Variants in DNAJC18 observed in about 807,000 individuals in gnomAD.
DNAJC18 encodes the protein dnaJ homolog subfamily C member 18.
Under a neutral mutation model 48.6 loss-of-function variants are expected in DNAJC18, and 40 were observed. The observed-to-expected ratio is 0.82, with a 90% CI of 0.64 to 1.07. DNAJC18 has a LOEUF of 1.07. Among genes scored for constraint, DNAJC18 ranks in the 50% least tolerant of loss-of-function variants. The pLI is 0.00. For synonymous variants in DNAJC18, 135 were observed against 152.2 expected (o/e 0.89, Z 0.83); for missense variants, 340 against 427.7 (o/e 0.79, Z 1.81).
chr5:139,435,523 AC>A (rs1212346299), intron 2 of DNAJC18, among the ~76,000 whole-genome samples: 1 of 151,930 alleles, frequency 6.6e-6, no homozygotes, highest in Non-Finnish European at 1.5e-5. Flanking sequence ...AATATATAAT[AC>A]TTTTTACATT....
At chr5:139,419,102 A>G (rs548741097) in intron 7 of DNAJC18, 2 of 448,140 alleles carry the variant, frequency 4.5e-6, no homozygotes, top group South Asian at 3.2e-5. Context: ...ATACTCAGTA[A>G]TAAGGCTTTA....
chr5:139,419,919 G>T, intron 7 of DNAJC18, 134 bp downstream of exon 7: 1 of 848,422 alleles, frequency 1.2e-6, no homozygotes, highest in Non-Finnish European at 1.8e-6. Context: ...TATCCTGAAT[G>T]GCCTTTGTCC....
intron 2 of DNAJC18, among the ~76,000 whole-genome samples, chr5:139,432,092 G>T (rs990271891): frequency 6.6e-6 from 1 of 151,418 alleles, no homozygotes; most frequent in Non-Finnish European, 1.5e-5. Flanking sequence ...AACTTTGTAC[G>T]TTCCAGATAA....
chr5:139,421,364 G>A (rs1759149683), intron 6 of DNAJC18, among the ~76,000 whole-genome samples: 1 of 151,960 alleles, frequency 6.6e-6, no homozygotes, highest in South Asian at 2.1e-4. Flanking sequence ...CATGAGAATC[G>A]CTTGAACCTG....
At chr5:139,417,970 A>G (rs989484036) in intron 7 of DNAJC18, among the ~76,000 whole-genome samples, 9 of 152,102 alleles carry the variant, frequency 5.9e-5, no homozygotes, top group Admixed American at 2.0e-4. Flanking sequence ...CTCTGGTGCA[A>G]TCCTTACCAT....
At chr5:139,418,610 G>C in intron 7 of DNAJC18, 1 of 356,716 alleles carries the variant, frequency 2.8e-6, no homozygotes, top group East Asian at 7.4e-5. Context: ...TTATATCCCA[G>C]AGTCATTGCT....
rs1758987565 is a variant in DNAJC18 at position 139,411,102 on chromosome 5, A to C, written c.*3046T>G. On this transcript the variant is annotated 3_prime_UTR_variant, in exon 8 of 8. Coordinates refer to ENST00000302060, the MANE Select transcript of DNAJC18 (RefSeq NM_152686.4). ...GTATTTTCGAACAATTTCCAACAGA[A>C]AGCACAGCAGTGACGTTTCCTTACT... is the stretch of plus-strand genomic sequence containing the variant. The C allele has an allele frequency of 6.6e-6, 1 of 152,126 alleles. No homozygotes were observed. Among genetic ancestry groups the C allele is most frequent in the Non-Finnish European group, 1.5e-5 (1 of 68,048 alleles). The allele number at this position is 152,126 out of a possible 1,614,324, so 9.4% of individuals were successfully genotyped here.
chr5:139,423,296 G>A (rs1759183329), intron 5 of DNAJC18, among the ~76,000 whole-genome samples: 1 of 151,990 alleles, frequency 6.6e-6, no homozygotes, highest in Non-Finnish European at 1.5e-5. Context: ...GTCCTAATCA[G>A]AAAATTCAAA....
At chr5:139,428,868 C>T (rs143225429) in intron 2 of DNAJC18, among the ~76,000 whole-genome samples, 185 bp from the exon 3 acceptor site, 20 of 152,144 alleles carry the variant, frequency 1.3e-4, no homozygotes, top group Non-Finnish European at 2.4e-4. Context: ...AACTTAATGC[C>T]TTTCAAAGTA....
chr5:139,416,055 CCT>C (rs1561997369), intron 7 of DNAJC18, among the ~76,000 whole-genome samples: 2 of 152,148 alleles, frequency 1.3e-5, no homozygotes, highest in African/African-American at 4.8e-5. Context: ...AGAGCAATGA[CCT>C]TGTACAAGGT....
At chr5:139,424,807 T>TGGGCAGAG (rs1474202683) in intron 5 of DNAJC18, among the ~76,000 whole-genome samples, 198 bp downstream of exon 5, 1 of 135,208 alleles carries the variant, frequency 7.4e-6, no homozygotes, top group African/African-American at 2.9e-5. Flanking sequence ...CACCCAAGAA[T>TGGGCAGAG]GGGCAGAGGG....
intron 2 of DNAJC18, among the ~76,000 whole-genome samples, chr5:139,434,285 G>A (rs1376955361): frequency 2.0e-5 from 3 of 152,108 alleles, no homozygotes; most frequent in Non-Finnish European, 4.4e-5. Context: ...AACCTGTGTT[G>A]TTCAAAGGCC....
rs769706693 is a variant in DNAJC18 at position 139,437,572 on chromosome 5, C to A, written c.41-14G>T. 10 of 1,606,008 alleles carry A rather than the reference C, an allele frequency of 6.2e-6. No individual in the cohort carries two copies. The highest frequency in any genetic ancestry group is 3.8e-4 in the Middle Eastern group (2 of 5,258). On this transcript the variant is annotated splice_polypyrimidine_tract_variant and intron_variant, in intron 1 of 7. Transcript: ENST00000302060. ...CGTCAATGTAAGCTGCAAACAACAG[C>A]CCCTCCATTAGGTCTCCATCTGACC...
intron 2 of DNAJC18, among the ~76,000 whole-genome samples, chr5:139,431,090 A>G (rs983394796): frequency 6.6e-6 from 1 of 152,098 alleles, no homozygotes; most frequent in South Asian, 2.1e-4. Context: ...TCCCTTCCAC[A>G]TGAGCTGCCC....
In DNAJC18 at chr5:139,411,727, G is replaced by C. The variant is rs1758998788; in HGVS notation, c.*2421C>G. 6.6e-6 allele frequency: 1 copy of C among 152,166 alleles called. No individual in the cohort carries two copies. Among genetic ancestry groups the C allele is most frequent in the African/African-American group, 2.4e-5 (1 of 41,444 alleles). 9.4% of individuals were successfully genotyped at this position (152,166 alleles called of 1,614,324 possible). On this transcript the variant is annotated 3_prime_UTR_variant, in exon 8 of 8. Coordinates refer to ENST00000302060, the MANE Select transcript of DNAJC18 (RefSeq NM_152686.4). ...CAGACAATCAGCGTGACATTTAATG[G>C]AGTTAGTTATTATTGCTTCTATTTA...
intron 2 of DNAJC18, among the ~76,000 whole-genome samples, chr5:139,434,392 T>C (rs987661503): frequency 6.6e-5 from 10 of 152,300 alleles, no homozygotes; most frequent in Admixed American, 6.5e-4. Context: ...AGGGTGATCA[T>C]AGCTCACCTC....
rs565118701 is a variant in DNAJC18 at position 139,418,665 on chromosome 5, G to A, written c.952+1388C>T. On this transcript the variant is annotated intron_variant, in intron 7 of 7. Coordinates refer to ENST00000302060, the MANE Select transcript of DNAJC18 (RefSeq NM_152686.4). ...CTTGAGAGAACATTAGGACTTTGCC[G>A]TACAGAAATAGGGGGCAGAGACCAG... The A allele has an allele frequency of 9.0e-5, 40 of 442,280 alleles. No homozygotes were observed. The East Asian group carries it at 2.3e-3, about 26-fold the overall frequency. The allele number at this position is 442,280 out of a possible 1,614,324, so 27.4% of individuals were successfully genotyped here.
chr5:139,434,287 T>C (rs536211451), intron 2 of DNAJC18, among the ~76,000 whole-genome samples: 1 of 152,316 alleles, frequency 6.6e-6, no homozygotes, highest in South Asian at 2.1e-4. Flanking sequence ...CCTGTGTTGT[T>C]CAAAGGCCAA....
At chr5:139,423,377 C>A (rs1759184121) in intron 5 of DNAJC18, among the ~76,000 whole-genome samples, 2 of 137,420 alleles carry the variant, frequency 1.5e-5, no homozygotes, top group Non-Finnish European at 1.6e-5. Flanking sequence ...CTCATTGGAG[C>A]ATTTTGGATT....
Sources: allele counts gnomAD v4.1 joint callset (sites outside exome capture counted in the v4.1 genomes callset), GRCh38; gene constraint gnomAD v4.1.1; transcripts MANE v1.5; gene names NCBI Gene and HGNC (gene_info 2026-07-23, HGNC 2026-07-21).